Variants in DYRK1A observed in about 807,000 individuals in gnomAD.
DYRK1A encodes the protein dual specificity tyrosine-phosphorylation-regulated kinase 1A.
A neutral mutation model predicts 79.7 loss-of-function variants in DYRK1A; 9 were observed. The observed-to-expected ratio is 0.11, with a 90% CI of 0.07 to 0.20. DYRK1A has a LOEUF of 0.20. Ranked by LOEUF, DYRK1A falls within the 10% of genes least tolerant of loss-of-function variation. DYRK1A has a pLI of 1.00. For missense variants in DYRK1A, 622 were observed against 956.0 expected (o/e 0.65, Z 4.61); for synonymous variants, 349 against 329.7 (o/e 1.06, Z -0.63).
chr21:37,490,188 C>T lies in DYRK1A; in HGVS notation c.651C>T (p.Arg217=), dbSNP rs1360802609. Reference sequence around the variant, plus strand: ...TTTCTCTTTCAGTGCATTTGAAACGCCACTTTATGTTTCGAAACCATCTCT... The same window carrying T: ...TTTCTCTTTCAGTGCATTTGAAACGTCACTTTATGTTTCGAAACCATCTCT... The part of the protein sequence containing the change: ...EMKYYIVHLK[R]HFMFRNHLCL... Residue 217 remains arginine, a synonymous_variant, in exon 7 of 12, where the codon CGC becomes CGT. Coordinates refer to ENST00000647188, the MANE Select transcript of DYRK1A (RefSeq NM_001347721.2). 1 of 1,611,926 alleles carries T rather than the reference C, an allele frequency of 6.2e-7. No homozygotes were observed. Among genetic ancestry groups the T allele is most frequent in the Non-Finnish European group, 8.5e-7 (1 of 1,178,612 alleles).
intron 1 of DYRK1A, among the ~76,000 whole-genome samples, chr21:37,396,356 C>T (rs1251109455): frequency 6.6e-6 from 1 of 151,792 alleles, no homozygotes; most frequent in South Asian, 2.1e-4. Flanking sequence ...TGTATTTGTC[C>T]GTTTTCTGTG....
intron 1 of DYRK1A, among the ~76,000 whole-genome samples, chr21:37,403,032 TGG>T (rs2050081257): frequency 1.3e-5 from 2 of 152,168 alleles, no homozygotes; most frequent in Non-Finnish European, 2.9e-5. Context: ...CCCAAAGTGC[TGG>T]GATTACAAGC....
chr21:37,430,365 T>C (rs985422788), intron 2 of DYRK1A: 1 of 985,280 alleles, frequency 1.0e-6, no homozygotes, highest in Non-Finnish European at 1.2e-6. Context: ...ACTGAGGTCG[T>C]TCCAGTCATA....
intron 11 of DYRK1A, among the ~76,000 whole-genome samples, chr21:37,508,365 G>C (rs1303131747): frequency 6.6e-6 from 1 of 152,170 alleles, no homozygotes. Flanking sequence ...TCTGCTCATT[G>C]CAACTTCCGC....
chr21:37,427,592 C>T (rs764403736), intron 2 of DYRK1A, among the ~76,000 whole-genome samples: 1 of 152,104 alleles, frequency 6.6e-6, no homozygotes, highest in East Asian at 1.9e-4. Context: ...ATACTATTAT[C>T]GTGTTTTTTG....
intron 11 of DYRK1A, among the ~76,000 whole-genome samples, chr21:37,510,859 A>G (rs1173000018): frequency 6.6e-6 from 1 of 152,086 alleles, no homozygotes; most frequent in South Asian, 2.1e-4. Flanking sequence ...TATGGCCATC[A>G]GTAAGTACAA....
chr21:37,501,178 T>G (rs1250190739), intron 9 of DYRK1A: 1 of 143,432 alleles, frequency 7.0e-6, no homozygotes, highest in Admixed American at 6.8e-5. Flanking sequence ...TTTTTTTTTT[T>G]TTTTTTTTTT....
chr21:37,399,363 TG>T (rs1168399709), intron 1 of DYRK1A, among the ~76,000 whole-genome samples: 1 of 152,104 alleles, frequency 6.6e-6, no homozygotes, highest in African/African-American at 2.4e-5. Context: ...ATTATGAAAT[TG>T]GGGATAGAGA....
At chr21:37,384,855 C>G (rs1049220050) in intron 1 of DYRK1A, among the ~76,000 whole-genome samples, 1 of 151,986 alleles carries the variant, frequency 6.6e-6, no homozygotes, top group East Asian at 1.9e-4. Context: ...GAAAAATATA[C>G]TGGGTTGCAT....
chr21:37,514,643 T>C lies in DYRK1A; in HGVS notation c.*2112T>C, dbSNP rs2053849841. On this transcript the variant is annotated 3_prime_UTR_variant, in exon 12 of 12. Coordinates refer to ENST00000647188, the MANE Select transcript of DYRK1A (RefSeq NM_001347721.2). Reference sequence around the variant, plus strand: ...CGTTTTTATAAACTACAAAAACTTTTTGTTGTTTATCAGGAAATCCATATT... The same window carrying C: ...CGTTTTTATAAACTACAAAAACTTTCTGTTGTTTATCAGGAAATCCATATT... The C allele has an allele frequency of 6.6e-6, 1 of 152,630 alleles. No homozygotes were observed. Among genetic ancestry groups the C allele is most frequent in the African/African-American group, 2.4e-5 (1 of 41,454 alleles). 9.5% of individuals were successfully genotyped at this position (152,630 alleles called of 1,614,324 possible).
chr21:37,390,875 C>T (rs1278614491), intron 1 of DYRK1A, among the ~76,000 whole-genome samples: 1 of 152,164 alleles, frequency 6.6e-6, no homozygotes, highest in Non-Finnish European at 1.5e-5. Context: ...CGGCCTGTTA[C>T]TGTTTTTCAA....
At chr21:37,507,650 T>A (rs1481326674) in intron 11 of DYRK1A, among the ~76,000 whole-genome samples, 1 of 149,340 alleles carries the variant, frequency 6.7e-6, no homozygotes, top group Non-Finnish European at 1.5e-5. Context: ...TGGCAGGATG[T>A]TCTTCTTTCC....
At position 37,394,295 on chromosome 21, in the gene DYRK1A, A is replaced by T. The variant is rs1043615807; in HGVS notation, c.-76-26004A>T. On this transcript the variant is annotated intron_variant, in intron 1 of 11. Coordinates refer to ENST00000647188, the MANE Select transcript of DYRK1A (RefSeq NM_001347721.2). ...TTTAAGTTTTAGGGTACATGTGCAC[A>T]ACATGCAGGTTTGTTACCTGCAGTG... 2.4e-4 allele frequency among the ~76,000 whole-genome samples: 37 copies of T among 151,626 alleles called. 1 individual carries two copies. The highest frequency in any genetic ancestry group is 6.5e-4 in the African/African-American group (27 of 41,280).
At chr21:37,436,340 A>T (rs1480371218) in intron 2 of DYRK1A, among the ~76,000 whole-genome samples, 1 of 152,192 alleles carries the variant, frequency 6.6e-6, no homozygotes, top group Non-Finnish European at 1.5e-5. Context: ...GGTCACAGTG[A>T]TCAAGGACTC....
At position 37,519,736 on chromosome 21, in the gene DYRK1A, G is replaced by GTGTTTTTTTTTTT. The variant is rs1329924530; in HGVS notation, c.*7206_*7207insGTTTTTTTTTTTT. The GTGTTTTTTTTTTT allele has an allele frequency of 1.2e-5, 1 of 85,802 alleles. No homozygotes were observed. The highest frequency in any genetic ancestry group is 1.3e-4 in the Admixed American group (1 of 7,832). The allele number at this position is 85,802 out of a possible 1,614,324, so 5.3% of individuals were successfully genotyped here. A position where few individuals can be genotyped will look rare whatever the true frequency, so the allele number is the denominator to read the frequency against. On this transcript the variant is annotated 3_prime_UTR_variant, in exon 12 of 12. Coordinates refer to ENST00000647188, the MANE Select transcript of DYRK1A (RefSeq NM_001347721.2). ...AGAGTTTTGAGGTTTGTTGTGGGAA[G>GTGTTTTTTTTTTT]TTTTTTTTTTTTTTTTTTTTTTTGA... is the stretch of plus-strand genomic sequence containing the variant.
In DYRK1A at chr21:37,506,454, C is replaced by G; in HGVS notation, c.1644+231C>G. On this transcript the variant is annotated intron_variant, in intron 11 of 11. Coordinates refer to ENST00000647188, the MANE Select transcript of DYRK1A (RefSeq NM_001347721.2). Reference sequence around the variant, plus strand: ...GGGGCATAACAGTTGTTGTTTTGAACAGTTTTTTTCCTGTGTTTATCTCAT... The same window carrying G: ...GGGGCATAACAGTTGTTGTTTTGAAGAGTTTTTTTCCTGTGTTTATCTCAT... The G allele has an allele frequency of 2.3e-6, 3 of 1,307,264 alleles. No homozygotes were observed. The South Asian group carries it at 4.7e-5, about 20-fold the overall frequency. The allele number at this position is 1,307,264 out of a possible 1,614,324, so 81.0% of individuals were successfully genotyped here.
intron 9 of DYRK1A, among the ~76,000 whole-genome samples, chr21:37,499,458 C>CA (rs1297253309): frequency 1.3e-5 from 2 of 151,906 alleles, no homozygotes; most frequent in Admixed American, 6.6e-5. Flanking sequence ...AAATTTCTAC[C>CA]AAAAAAATGG....
intron 5 of DYRK1A, among the ~76,000 whole-genome samples, chr21:37,481,841 A>G (rs1169704709): frequency 1.3e-5 from 2 of 148,562 alleles, no homozygotes; most frequent in Admixed American, 1.3e-4. Flanking sequence ...CCTTGTCTCT[A>G]TTCATTTAAA....
chr21:37,372,004 C>T (rs2049440873), intron 1 of DYRK1A, among the ~76,000 whole-genome samples: 1 of 151,958 alleles, frequency 6.6e-6, no homozygotes, highest in Non-Finnish European at 1.5e-5. Flanking sequence ...TAATATAGAG[C>T]CATTTCGACA....
Sources: gnomAD v4.1 joint callset for allele counts (sites outside exome capture counted in the v4.1 genomes callset) on GRCh38, gnomAD v4.1.1 for gene constraint, MANE v1.5 for transcripts, NCBI Gene and HGNC (gene_info 2026-07-23, HGNC 2026-07-21) for gene names.